The following GRM8 variants were observed in gnomAD, a reference collection of about 807,000 sequenced individuals.
The protein encoded by GRM8 is glutamate metabotropic receptor 8.
A neutral mutation model predicts 87.2 loss-of-function variants in GRM8; 47 were observed. The observed-to-expected ratio is 0.54, with a 90% CI of 0.43 to 0.69. The LOEUF is 0.69. GRM8 is among the 30% of genes least tolerant of loss of function. The pLI, the probability that GRM8 is intolerant of heterozygous loss-of-function variation, is 0.00. For missense variants in GRM8, 1,019 were observed against 1,139.2 expected (o/e 0.89, Z 1.52); for synonymous variants, 396 against 404.5 (o/e 0.98, Z 0.25).
chr7:126,976,422 G>T (rs552963407), intron 3 of GRM8, among the ~76,000 whole-genome samples: 1 of 152,118 alleles, frequency 6.6e-6, no homozygotes, highest in African/African-American at 2.4e-5. Context: ...GGTGAAACCC[G>T]TCTCTACTAA....
intron 7 of GRM8, among the ~76,000 whole-genome samples, chr7:126,753,405 GATAGAC>G (rs1046713505): frequency 2.7e-5 from 4 of 150,808 alleles, no homozygotes; most frequent in African/African-American, 9.7e-5. Flanking sequence ...TATATAGATA[GATAGAC>G]ACACGTATAT....
At chr7:126,951,598 TA>T (rs768681989) in intron 3 of GRM8, among the ~76,000 whole-genome samples, 21 of 152,146 alleles carry the variant, frequency 1.4e-4, no homozygotes, top group South Asian at 4.1e-4. Context: ...ACCATGAAGC[TA>T]AAGACAAATA....
chr7:127,088,055 G>C (rs532610678), intron 3 of GRM8, among the ~76,000 whole-genome samples: 1 of 152,104 alleles, frequency 6.6e-6, no homozygotes, highest in African/African-American at 2.4e-5. Flanking sequence ...TAAAAATAGA[G>C]GACTCAGCCA....
Position 126,832,066 on chromosome 7 carries a change from C to T in GRM8, c.1157-62001G>A, listed in dbSNP as rs541691541. On this transcript the variant is annotated intron_variant, in intron 6 of 10. Coordinates refer to ENST00000339582, the MANE Select transcript of GRM8 (RefSeq NM_000845.3). Reference sequence around the variant, plus strand: ...TGTATCTTCAAGTATTTATTGTGTACCTACTATGTGCCAAAAGCTCAGTGT... The same window carrying T: ...TGTATCTTCAAGTATTTATTGTGTATCTACTATGTGCCAAAAGCTCAGTGT... 1.5e-4 allele frequency among the ~76,000 whole-genome samples: 23 copies of T among 151,766 alleles called. No homozygotes were observed. In the East Asian group the frequency reaches 4.3e-3, roughly 28 times the overall value.
intron 3 of GRM8, among the ~76,000 whole-genome samples, chr7:126,980,183 T>C (rs1811381218): frequency 6.6e-6 from 1 of 152,244 alleles, no homozygotes; most frequent in Admixed American, 6.5e-5. Flanking sequence ...ATTTATTCAT[T>C]CAACAAATAT....
chr7:126,623,954 C>A (rs1416210658), intron 7 of GRM8, among the ~76,000 whole-genome samples: 1 of 152,030 alleles, frequency 6.6e-6, no homozygotes. Context: ...ACCCCCTGCT[C>A]AAAAAAGCTT....
At chr7:127,012,891 G>A (rs1815037307) in intron 3 of GRM8, among the ~76,000 whole-genome samples, 2 of 152,166 alleles carry the variant, frequency 1.3e-5, no homozygotes, top group African/African-American at 4.8e-5. Flanking sequence ...TTTAGAAGGT[G>A]TATTAGCATC....
At chr7:126,626,905 C>A (rs761528665) in intron 7 of GRM8, among the ~76,000 whole-genome samples, 6 of 152,106 alleles carry the variant, frequency 3.9e-5, no homozygotes, top group Non-Finnish European at 5.9e-5. Flanking sequence ...CCATGAACAA[C>A]ACTGTATAGA....
chr7:126,757,858 C>G (rs930975864), intron 7 of GRM8, among the ~76,000 whole-genome samples: 1 of 152,130 alleles, frequency 6.6e-6, no homozygotes, highest in Non-Finnish European at 1.5e-5. Context: ...CTTATCTATC[C>G]TATCCTTTTA....
At chr7:127,178,802 C>A (rs1794264855) in intron 2 of GRM8, among the ~76,000 whole-genome samples, 1 of 152,124 alleles carries the variant, frequency 6.6e-6, no homozygotes, top group Non-Finnish European at 1.5e-5. Flanking sequence ...GAGAATTCAC[C>A]TATTACCAAG....
At chr7:126,504,305 T>A (rs1403154876) in intron 9 of GRM8, among the ~76,000 whole-genome samples, 1 of 152,108 alleles carries the variant, frequency 6.6e-6, no homozygotes, top group Non-Finnish European at 1.5e-5. Flanking sequence ...GAAAACATTT[T>A]AAAATTCACT....
chr7:127,122,339 T>C (rs1028446417), intron 2 of GRM8, among the ~76,000 whole-genome samples: 1 of 152,178 alleles, frequency 6.6e-6, no homozygotes, highest in Non-Finnish European at 1.5e-5. Context: ...TCCTTTTGCA[T>C]AGACCGTAAC....
At chr7:126,659,379 C>T (rs779713620) in intron 7 of GRM8, among the ~76,000 whole-genome samples, 33 of 152,276 alleles carry the variant, frequency 2.2e-4, no homozygotes, top group African/African-American at 7.0e-4. Context: ...GGAAGTGATG[C>T]TCTGGAGTGG....
At chr7:126,636,623 T>A (rs200301139) in intron 7 of GRM8, among the ~76,000 whole-genome samples, 1 of 152,050 alleles carries the variant, frequency 6.6e-6, no homozygotes, top group East Asian at 1.9e-4. Flanking sequence ...TGCAACCCCC[T>A]TTTATCTGAA....
intron 3 of GRM8, among the ~76,000 whole-genome samples, chr7:126,922,934 A>C (rs1458772089): frequency 2.0e-5 from 3 of 152,152 alleles, no homozygotes; most frequent in Non-Finnish European, 2.9e-5. Flanking sequence ...GCCTCCCCAG[A>C]AGCAGATGCC....
chr7:127,204,013 T>G (rs1232478049), intron 2 of GRM8, among the ~76,000 whole-genome samples: 2 of 152,208 alleles, frequency 1.3e-5, no homozygotes, highest in Non-Finnish European at 2.9e-5. Flanking sequence ...ATGCTAAATT[T>G]AAGAGTTGTA....
chr7:126,797,303 G>A (rs564810386), intron 6 of GRM8, among the ~76,000 whole-genome samples: 1 of 152,200 alleles, frequency 6.6e-6, no homozygotes, highest in South Asian at 2.1e-4. Context: ...AATAGCATTA[G>A]TAAAAGTGGC....
chr7:126,656,050 G>C (rs139516632), intron 7 of GRM8, among the ~76,000 whole-genome samples: 9 of 152,280 alleles, frequency 5.9e-5, no homozygotes, highest in Admixed American at 5.9e-4. Flanking sequence ...CAAATTCAGG[G>C]AACTGTCCAC....
chr7:126,492,119 C>T (rs965768806), intron 9 of GRM8, among the ~76,000 whole-genome samples: 4 of 151,912 alleles, frequency 2.6e-5, no homozygotes, highest in Non-Finnish European at 5.9e-5. Flanking sequence ...TACGGTGGTG[C>T]GATCTCAGCT....
Sources: allele counts gnomAD v4.1 joint callset (sites outside exome capture counted in the v4.1 genomes callset), GRCh38; gene constraint gnomAD v4.1.1; transcripts MANE v1.5; gene names NCBI Gene and HGNC (gene_info 2026-07-23, HGNC 2026-07-21).